Variants in UNC13A observed in about 807,000 individuals in gnomAD.
UNC13A encodes unc-13 homolog A.
Under a neutral mutation model 219.7 loss-of-function variants are expected in UNC13A, and 61 were observed. The ratio of observed to expected loss-of-function variants is 0.28; its 90% CI spans 0.23 to 0.34. UNC13A has a LOEUF of 0.34. UNC13A is among the 10% of genes least tolerant of loss of function. The pLI is 1.00. For synonymous variants in UNC13A, 920 were observed against 884.6 expected, an observed-to-expected ratio of 1.04 and a Z score of -0.71; for missense variants, 1,476 against 2,270.3, an observed-to-expected ratio of 0.65 and a Z score of 7.11.
Position 17,641,390 on chromosome 19 carries a change from C to T in UNC13A, c.2636+3G>A, listed in dbSNP as rs776217197. 3.7e-6 allele frequency: 6 copies of T among 1,613,416 alleles called. No individual in the cohort carries two copies. The highest frequency in any genetic ancestry group is 3.3e-5 in the South Asian group (3 of 91,040). ...TTTCCTGCACCCCAGCCTGCAGTCT[C>T]ACGTCATGGCTTGGTAGATGGACTC... On this transcript the variant is annotated splice_donor_region_variant and intron_variant, in intron 21 of 43. Coordinates refer to ENST00000519716, the MANE Select transcript of UNC13A (RefSeq NM_001080421.3).
At chr19:17,647,163 G>A in intron 17 of UNC13A, 102 bp downstream of exon 17, 1 of 1,113,608 alleles carries the variant, frequency 9.0e-7, no homozygotes, top group Non-Finnish European at 1.3e-6. Context: ...GACCGAGTGA[G>A]TGCGCGCTGC....
At position 17,605,549 on chromosome 19, in the gene UNC13A, C is replaced by T. The variant is rs1479260344; in HGVS notation, c.*505G>A. 1.3e-5 allele frequency: 2 copies of T among 154,052 alleles called. No individual in the cohort carries two copies. The highest frequency in any genetic ancestry group is 1.4e-5 in the Non-Finnish European group (1 of 69,088). The allele number at this position is 154,052 out of a possible 1,614,324, so 9.5% of individuals were successfully genotyped here. On this transcript the variant is annotated 3_prime_UTR_variant, in exon 44 of 44. Coordinates refer to ENST00000519716, the MANE Select transcript of UNC13A (RefSeq NM_001080421.3). ...GGGGCCCTCCAACCAGCATCCTGGT[C>T]CCTCCAGTCCCCAGGCCACCTAGAG...
intron 19 of UNC13A, among the ~76,000 whole-genome samples, chr19:17,644,207 G>A (rs1052408420): frequency 6.6e-6 from 1 of 152,168 alleles, no homozygotes; most frequent in African/African-American, 2.4e-5. Context: ...GGGTCGGGGG[G>A]ACACAGAGTC....
chr19:17,639,354 A>C lies in UNC13A; in HGVS notation c.2946+82T>G, dbSNP rs573150200. 1.9e-5 allele frequency: 30 copies of C among 1,568,934 alleles called. No homozygotes were observed. The Middle Eastern group carries it at 1.0e-3, about 54-fold the overall frequency. ...TTACTGAGAAAGGCTGCCACTCTCC[A>C]GGAGGAATGTCACTTGTCCTGGGAG... On this transcript the variant is annotated intron_variant, in intron 24 of 43. Coordinates refer to ENST00000519716, the MANE Select transcript of UNC13A (RefSeq NM_001080421.3).
intron 31 of UNC13A, 84 bp downstream of exon 31, chr19:17,629,156 T>A: frequency 8.6e-7 from 1 of 1,157,682 alleles, no homozygotes; most frequent in Non-Finnish European, 1.3e-6. Flanking sequence ...TAGCCCCAGG[T>A]GTCAGGGCCC....
Position 17,611,852 on chromosome 19 carries a change from A to C in UNC13A, c.4562T>G (p.Leu1521Trp), listed in dbSNP as rs531265356. 1.2e-6 allele frequency: 2 copies of C among 1,613,822 alleles called. No individual in the cohort carries two copies. The highest frequency in any genetic ancestry group is 8.5e-7 in the Non-Finnish European group (1 of 1,179,734). Reference protein sequence around the residue: ...TFVQTQSAQGLGVEDPVGEVS... With the variant: ...TFVQTQSAQGWGVEDPVGEVS... ...TTCACCCACAGGGTCTTCTACACCC[A>C]AGCCTGGGCAGGGCAGGGGAGGATG... Residue 1521 changes from leucine to tryptophan, a missense_variant, in exon 42 of 44, where the codon TTG (leucine) becomes TGG (tryptophan). This residue lies in a region of UNC13A where 77 missense variants were observed against 94.8 expected (regional missense o/e 0.81). Transcript: ENST00000519716.
chr19:17,631,155 C>CCA (rs2076843114), intron 28 of UNC13A, among the ~76,000 whole-genome samples: 2 of 16,464 alleles, frequency 1.2e-4, no homozygotes, highest in African/African-American at 5.6e-4. Flanking sequence ...CTCTTGTTTT[C>CCA]TCCCTCCCTC....
intron 41 of UNC13A, 26 bp from the exon 42 acceptor site, chr19:17,611,881 A>T (rs1489167742): frequency 1.2e-6 from 2 of 1,603,772 alleles, no homozygotes; most frequent in Non-Finnish European, 1.7e-6. Flanking sequence ...GAGGATGGTC[A>T]GCGTGAGCTC....
At chr19:17,658,443 G>A (rs2145873132) in intron 8 of UNC13A, among the ~76,000 whole-genome samples, 174 bp from the exon 9 acceptor site, 1 of 152,304 alleles carries the variant, frequency 6.6e-6, no homozygotes, top group African/African-American at 2.4e-5. Flanking sequence ...AACAAGGGAG[G>A]TGAAAACCCT....
intron 41 of UNC13A, chr19:17,616,393 G>A (rs1194615270): frequency 1.4e-6 from 1 of 693,556 alleles, no homozygotes; most frequent in Admixed American, 2.0e-5. Flanking sequence ...GCGGGCGGGA[G>A]GCGGAGGCAC....
At chr19:17,615,909 C>G (rs1056808576) in intron 41 of UNC13A, among the ~76,000 whole-genome samples, 10 of 151,768 alleles carry the variant, frequency 6.6e-5, no homozygotes, top group Non-Finnish European at 7.4e-5. Flanking sequence ...AGGAGGGAGG[C>G]TGCAGTGAGC....
At position 17,639,098 on chromosome 19, in the gene UNC13A, C is replaced by T; in HGVS notation, c.3066G>A (p.Glu1022=). The change falls in exon 25 of 44, where the codon GAG becomes GAA. Residue 1022 remains glutamate, a synonymous_variant. Transcript: ENST00000519716. ...GGAGTCTCACCGGGTCTGTCTGGTA[C>T]TCCCGGCTGTACAGTTCATGGCAGT... ...FNNCHELYSR[E]YQTDPAKKGE... 6.2e-7 allele frequency: 1 copy of T among 1,601,898 alleles called. No individual in the cohort carries two copies. Among genetic ancestry groups the T allele is most frequent in the Non-Finnish European group, 8.5e-7 (1 of 1,174,204 alleles).
intron 25 of UNC13A, among the ~76,000 whole-genome samples, chr19:17,638,647 G>T (rs2076935732): frequency 6.6e-6 from 1 of 151,882 alleles, no homozygotes. Context: ...GGCCAACATG[G>T]TGAAACCCCG....
chr19:17,686,302 C>T (rs1459564344), intron 1 of UNC13A, among the ~76,000 whole-genome samples: 1 of 13,666 alleles, frequency 7.3e-5, no homozygotes. Flanking sequence ...ATCCCCGCCC[C>T]CCCCCCCCCC....
At chr19:17,617,903 A>G (rs1568503231) in intron 40 of UNC13A, 54 bp from the exon 41 acceptor site, 21 of 1,603,908 alleles carry the variant, frequency 1.3e-5, no homozygotes, top group Non-Finnish European at 1.8e-5. Context: ...CTACCCACTC[A>G]TAGGGCTGGG....
At chr19:17,671,927 A>G (rs1241744397) in intron 4 of UNC13A, among the ~76,000 whole-genome samples, 2 of 152,156 alleles carry the variant, frequency 1.3e-5, no homozygotes, top group Non-Finnish European at 2.9e-5. Flanking sequence ...CTAATTGCCT[A>G]TATTATCCCT....
chr19:17,639,922 G>C lies in UNC13A; in HGVS notation c.2788-14C>G. On this transcript the variant is annotated splice_polypyrimidine_tract_variant and intron_variant, in intron 22 of 43. Transcript: ENST00000519716. ...GAAGCGCTCTTTCTGAGGAGGAAGG[G>C]GAGGAGGGAGGATGGATGGAGGCAG... 1.2e-6 allele frequency: 2 copies of C among 1,613,600 alleles called. No individual in the cohort carries two copies. The highest frequency in any genetic ancestry group is 1.7e-6 in the Non-Finnish European group (2 of 1,179,754).
At chr19:17,671,558 C>G (rs1022304166) in intron 4 of UNC13A, among the ~76,000 whole-genome samples, 2 of 151,896 alleles carry the variant, frequency 1.3e-5, no homozygotes, top group Non-Finnish European at 2.9e-5. Flanking sequence ...ATTGCTTGAG[C>G]CCAGGAGTTC....
chr19:17,676,033 C>CT lies in UNC13A; in HGVS notation c.30dup (p.Ala11SerfsTer4). Reference sequence around the variant, plus strand: ...TTACCTTGGGCACCATCAAACTTGGCTTTTTTGACTGTGGAGAGAGACAGA... The same window carrying CT: ...TTACCTTGGGCACCATCAAACTTGGCTTTTTTTGACTGTGGAGAGAGACAGA... On this transcript the variant is annotated frameshift_variant, in exon 2 of 44. Coordinates refer to ENST00000519716, the MANE Select transcript of UNC13A (RefSeq NM_001080421.3). LOFTEE classifies it high-confidence loss of function. 1.9e-6 allele frequency: 3 copies of CT among 1,551,482 alleles called. No individual in the cohort carries two copies. Among genetic ancestry groups the CT allele is most frequent in the Non-Finnish European group, 2.6e-6 (3 of 1,146,938 alleles).
Sources: allele counts gnomAD v4.1 joint callset (sites outside exome capture counted in the v4.1 genomes callset), GRCh38; gene constraint gnomAD v4.1.1; regional missense constraint gnomAD v4.1.1; transcripts MANE v1.5; gene names NCBI Gene and HGNC (gene_info 2026-07-23, HGNC 2026-07-21).